Variants in KIAA1217 observed in about 807,000 individuals in gnomAD.
The protein encoded by KIAA1217 is sickle tail protein homolog.
A neutral mutation model predicts 163.9 loss-of-function variants in KIAA1217; 88 were observed. The ratio of observed to expected loss-of-function variants is 0.54; its 90% confidence interval spans 0.45 to 0.64. The LOEUF is 0.64. Ranked by LOEUF, KIAA1217 falls within the 30% of genes least tolerant of loss-of-function variation. KIAA1217 has a pLI of 0.00. For missense variants in KIAA1217, 2,372 were observed against 2,475.0 expected (o/e 0.96, Z 0.88); for synonymous variants, 903 against 923.1 (o/e 0.98, Z 0.39).
At chr10:23,757,756 A>G (rs4748910) in intron 1 of KIAA1217, among the ~76,000 whole-genome samples, 47,283 of 151,890 alleles carry the variant, frequency 0.31, 8,388 homozygotes, top group African/African-American at 0.48. Flanking sequence ...GACCTCAGGT[A>G]ATGCACCTTC....
intron 2 of KIAA1217, among the ~76,000 whole-genome samples, chr10:24,295,829 AC>A (rs2040533545): frequency 6.6e-6 from 1 of 152,286 alleles, no homozygotes; most frequent in East Asian, 1.9e-4. Context: ...CAGACATGCT[AC>A]CACTCCTGAG....
rs538442825 is a variant in KIAA1217, at chr10:23,960,772, C to T, written c.-320-46453C>T. 2.0e-5 allele frequency among the ~76,000 whole-genome samples: 3 copies of T among 152,264 alleles called. No individual in the cohort carries two copies. In the South Asian group the frequency reaches 6.2e-4, roughly 32 times the overall value. ...AAAAATAGATGAATATGGCTAGCTGCTTAATAGTTCATCTCATATTTCATG... is the reference window on the plus strand; with the variant it reads ...AAAAATAGATGAATATGGCTAGCTGTTTAATAGTTCATCTCATATTTCATG... On this transcript the variant is annotated intron_variant, in intron 1 of 18. Transcript: ENST00000376462.
chr10:24,366,622 C>T (rs989919224), intron 2 of KIAA1217, among the ~76,000 whole-genome samples: 11 of 151,090 alleles, frequency 7.3e-5, no homozygotes, highest in Admixed American at 5.9e-4. Context: ...ATGTATTCAC[C>T]TTGGGTGTGC....
chr10:23,734,489 A>G (rs1291853924), intron 1 of KIAA1217, among the ~76,000 whole-genome samples: 1 of 151,776 alleles, frequency 6.6e-6, no homozygotes, highest in Admixed American at 6.6e-5. Flanking sequence ...GGATTTCACC[A>G]GGTTGGCAAG....
intron 6 of KIAA1217, chr10:24,482,283 A>T (rs1406306148): frequency 2.0e-5 from 3 of 152,248 alleles, no homozygotes; most frequent in Non-Finnish European, 4.4e-5. Flanking sequence ...ATCTCCTTTG[A>T]ATATTCATGA....
intron 10 of KIAA1217, among the ~76,000 whole-genome samples, chr10:24,518,642 G>A (rs774885975): frequency 2.0e-5 from 3 of 152,194 alleles, no homozygotes; most frequent in Non-Finnish European, 4.4e-5. Flanking sequence ...ATACAGGGAA[G>A]TCATTCTGTT....
intron 1 of KIAA1217, among the ~76,000 whole-genome samples, chr10:23,945,901 T>C (rs978367652): frequency 1.3e-5 from 2 of 152,134 alleles, no homozygotes; most frequent in African/African-American, 2.4e-5. Flanking sequence ...GTGCTCTATA[T>C]ATATCCTTCT....
In KIAA1217 at chr10:23,697,832, G is replaced by A. The variant is rs141950266; in HGVS notation, c.-321+2598G>A. 6.3e-4 allele frequency among the ~76,000 whole-genome samples: 95 copies of A among 151,692 alleles called. 1 individual carries two copies. Among genetic ancestry groups the A allele is most frequent in the African/African-American group, 2.0e-3 (83 of 41,346 alleles). ...GTCAAGGCTGCAGTGAGCTGAGATC[G>A]TGCCACTGCACTCCAGCCTGGTTGA... On this transcript the variant is annotated intron_variant, in intron 1 of 18. Coordinates refer to the KIAA1217 transcript ENST00000376462.
intron 1 of KIAA1217, among the ~76,000 whole-genome samples, chr10:23,855,717 A>C (rs572653648): frequency 1.3e-5 from 2 of 151,980 alleles, no homozygotes; most frequent in Non-Finnish European, 2.9e-5. Flanking sequence ...GTTTCTTTTT[A>C]TTCTTTTTTC....
chr10:23,981,431 A>T (rs1845761545), intron 1 of KIAA1217, among the ~76,000 whole-genome samples: 1 of 152,192 alleles, frequency 6.6e-6, no homozygotes, highest in South Asian at 2.1e-4. Context: ...CAGATTGGGA[A>T]GTTTCTGTAT....
chr10:24,138,193 A>G (rs2063908500), intron 2 of KIAA1217, among the ~76,000 whole-genome samples: 1 of 152,110 alleles, frequency 6.6e-6, no homozygotes, highest in Non-Finnish European at 1.5e-5. Context: ...TTTCTCTGTC[A>G]CTCAGGCTGG....
At chr10:24,284,411 T>C (rs993210875) in intron 2 of KIAA1217, among the ~76,000 whole-genome samples, 1 of 152,152 alleles carries the variant, frequency 6.6e-6, no homozygotes, top group African/African-American at 2.4e-5. Flanking sequence ...GAGTCCCCAG[T>C]GTCTGTTGTT....
chr10:24,025,684 C>T (rs539057599), intron 2 of KIAA1217, among the ~76,000 whole-genome samples: 9 of 151,650 alleles, frequency 5.9e-5, no homozygotes, highest in Non-Finnish European at 1.3e-4. Context: ...TCTTAATTTC[C>T]CTCAGCAAAG....
chr10:23,767,645 G>A (rs537737258), intron 1 of KIAA1217, among the ~76,000 whole-genome samples: 1 of 152,262 alleles, frequency 6.6e-6, no homozygotes, highest in Admixed American at 6.5e-5. Flanking sequence ...AGGTAATTGT[G>A]GATATGGGAG....
In KIAA1217 at chr10:24,544,085, T is replaced by C. The variant is rs748772932; in HGVS notation, c.4815T>C (p.Tyr1605=). The part of the protein sequence containing the change: ...TGKKTLQVVV[Y]EEEEEDGTLK... ...AGAAGACTTTGCAAGTGGTAGTCTA[T>C]GAAGAAGAGGAAGAGGATGGCACCC... is the stretch of plus-strand genomic sequence containing the variant. Residue 1605 remains tyrosine (Y), a synonymous_variant, in exon 19 of 21, where the codon TAT becomes TAC. Coordinates refer to ENST00000376454, the MANE Select transcript of KIAA1217 (RefSeq NM_019590.5). 6.2e-7 allele frequency: 1 copy of C among 1,614,074 alleles called. No homozygotes were observed. Among genetic ancestry groups the C allele is most frequent in the East Asian group, 2.2e-5 (1 of 44,862 alleles).
chr10:24,204,333 G>A (rs902061771), upstream of KIAA1217, among the ~76,000 whole-genome samples: 10 of 152,144 alleles, frequency 6.6e-5, no homozygotes, highest in Non-Finnish European at 1.2e-4. Context: ...TGCTCTTAAC[G>A]CAGAAGGGAA....
chr10:24,087,585 T>G (rs1475963703), intron 2 of KIAA1217, among the ~76,000 whole-genome samples: 1 of 152,182 alleles, frequency 6.6e-6, no homozygotes, highest in African/African-American at 2.4e-5. Context: ...AATAAATGAA[T>G]TAGCGAAAGG....
At chr10:23,790,006 C>CATACACATATACACATATGCAT (rs1835681885) in intron 1 of KIAA1217, among the ~76,000 whole-genome samples, 2 of 103,524 alleles carry the variant, frequency 1.9e-5, no homozygotes, top group African/African-American at 8.7e-5. Context: ...CACATATGCA[C>CATACACATATACACATATGCAT]ATACACATAT....
At chr10:23,838,214 A>G (rs1276359947) in intron 1 of KIAA1217, among the ~76,000 whole-genome samples, 1 of 152,218 alleles carries the variant, frequency 6.6e-6, no homozygotes, top group Non-Finnish European at 1.5e-5. Flanking sequence ...TACTTAAGCT[A>G]AATTCCTAGA....
Sources: gnomAD v4.1 joint callset for allele counts (sites outside exome capture counted in the v4.1 genomes callset) on GRCh38, gnomAD v4.1.1 for gene constraint, MANE v1.5 for transcripts, NCBI Gene and HGNC (gene_info 2026-07-23, HGNC 2026-07-21) for gene names.